Variants in CFAP141 observed in about 807,000 individuals in gnomAD.
CFAP141 encodes the protein cilia and flagella associated protein 141.
the CFAP141 span, among the ~76,000 whole-genome samples, chr1:154,204,871 GTTT>G: frequency 7.5e-6 from 1 of 133,878 alleles, no homozygotes; most frequent in Non-Finnish European, 1.6e-5. Flanking sequence ...TTGCATCAGT[GTTT>G]TTTTTTTTTT....
chr1:154,205,085 T>C, the CFAP141 span, among the ~76,000 whole-genome samples: 1 of 152,070 alleles, frequency 6.6e-6, no homozygotes, highest in Non-Finnish European at 1.5e-5. Context: ...GGTTTCACCA[T>C]GTTGCCTAGG....
chr1:154,200,361 A>G, the CFAP141 span: 2 of 1,303,568 alleles, frequency 1.5e-6, no homozygotes, highest in Non-Finnish European at 2.1e-6. Flanking sequence ...CAAACAAGAT[A>G]AATGTGCAAT....
chr1:154,200,843 C>A, the CFAP141 span, among the ~76,000 whole-genome samples: 151 of 151,856 alleles, frequency 9.9e-4, no homozygotes, highest in Non-Finnish European at 1.8e-3. Flanking sequence ...GCACCATGCC[C>A]AGCTAATTTT....
the CFAP141 span, among the ~76,000 whole-genome samples, chr1:154,201,797 G>C: frequency 6.6e-6 from 1 of 151,530 alleles, no homozygotes; most frequent in East Asian, 1.9e-4. Flanking sequence ...TTGAGAAATA[G>C]TCTCGCTCAG....
At chr1:154,204,871 G>GTTT in the CFAP141 span, among the ~76,000 whole-genome samples, 8 of 133,874 alleles carry the variant, frequency 6.0e-5, no homozygotes, top group East Asian at 4.4e-4. Flanking sequence ...TTGCATCAGT[G>GTTT]TTTTTTTTTT....
At chr1:154,204,863 G>A in the CFAP141 span, among the ~76,000 whole-genome samples, 1 of 149,282 alleles carries the variant, frequency 6.7e-6, no homozygotes, top group Non-Finnish European at 1.5e-5. Flanking sequence ...TGCCAGGCTT[G>A]CATCAGTGTT....
chr1:154,204,986 A>G, the CFAP141 span, among the ~76,000 whole-genome samples: 1 of 151,794 alleles, frequency 6.6e-6, no homozygotes, highest in Non-Finnish European at 1.5e-5. Context: ...AGTTCAAGCA[A>G]TTCTCCTGCC....
At chr1:154,200,411 C>A in the CFAP141 span, 1 of 1,596,534 alleles carries the variant, frequency 6.3e-7, no homozygotes, top group South Asian at 1.1e-5. Context: ...TGGGCAAAGG[C>A]ACACAGCAGT....
the CFAP141 span, among the ~76,000 whole-genome samples, chr1:154,203,697 A>G: frequency 6.6e-6 from 1 of 152,230 alleles, no homozygotes; most frequent in East Asian, 1.9e-4. Context: ...GATTACAAGT[A>G]TGAGCCACCA....
the CFAP141 span, among the ~76,000 whole-genome samples, chr1:154,204,431 CTTA>C: frequency 1.3e-5 from 2 of 152,078 alleles, no homozygotes; most frequent in Admixed American, 6.6e-5. Context: ...GGCATCAGTG[CTTA>C]TTTATTTATT....
chr1:154,205,538 A>G, the CFAP141 span: 1 of 1,500,290 alleles, frequency 6.7e-7, no homozygotes, highest in Non-Finnish European at 9.3e-7. Flanking sequence ...TGGCTCAGGG[A>G]AGACAGCAGA....
chr1:154,200,600 A>G, the CFAP141 span: 15 of 1,613,832 alleles, frequency 9.3e-6, no homozygotes, highest in South Asian at 1.6e-4. Context: ...TGCTCCAGGT[A>G]CAGAGGTGGG....
the CFAP141 span, chr1:154,206,130 T>A: frequency 6.2e-6 from 5 of 809,974 alleles, no homozygotes; most frequent in Non-Finnish European, 1.1e-5. Context: ...TACTGTGTAC[T>A]AGACACAGCC....
chr1:154,205,536 G>A, the CFAP141 span: 1 of 1,490,570 alleles, frequency 6.7e-7, no homozygotes, highest in Non-Finnish European at 9.4e-7. Flanking sequence ...GGTGGCTCAG[G>A]GAAGACAGCA....
At chr1:154,205,224 C>T in the CFAP141 span, among the ~76,000 whole-genome samples, 3 of 152,248 alleles carry the variant, frequency 2.0e-5, no homozygotes, top group East Asian at 1.9e-4. Flanking sequence ...GAAAAGGATA[C>T]GTAGCCCAGT....
the CFAP141 span, among the ~76,000 whole-genome samples, chr1:154,205,846 G>C: frequency 6.6e-6 from 1 of 152,056 alleles, no homozygotes. Flanking sequence ...TGAGATTATA[G>C]GAATGCACCA....
At chr1:154,204,944 C>T in the CFAP141 span, among the ~76,000 whole-genome samples, 1 of 148,006 alleles carries the variant, frequency 6.8e-6, no homozygotes, top group Non-Finnish European at 1.5e-5. Context: ...TGCAGTGGTG[C>T]GATCTTGGCT....
the CFAP141 span, among the ~76,000 whole-genome samples, chr1:154,201,630 C>T: frequency 1.3e-5 from 2 of 152,002 alleles, no homozygotes; most frequent in Non-Finnish European, 2.9e-5. Context: ...TCAGGTGATC[C>T]GCCTGACTCA....
At chr1:154,203,236 C>G in the CFAP141 span, among the ~76,000 whole-genome samples, 6 of 24,170 alleles carry the variant, frequency 2.5e-4, no homozygotes, top group Non-Finnish European at 3.1e-4. Flanking sequence ...TATATATATA[C>G]TTTGTTGGGA....
Sources: allele counts gnomAD v4.1 joint callset (sites outside exome capture counted in the v4.1 genomes callset), GRCh38; gene constraint gnomAD v4.1.1; transcripts MANE v1.5; gene names NCBI Gene and HGNC (gene_info 2026-07-23, HGNC 2026-07-21).